The following CPLX2 variants were observed in gnomAD, a reference collection of about 807,000 sequenced individuals.
CPLX2 encodes complexin-2.
In CPLX2, 5 loss-of-function variants were observed where a neutral mutation model predicts 16.3. That is an observed-to-expected ratio of 0.31 (90% CI 0.16 to 0.64). The LOEUF is 0.64. CPLX2 is among the 30% of genes least tolerant of loss of function. The pLI, the probability that CPLX2 is intolerant of heterozygous loss-of-function variation, is 0.79. For missense variants in CPLX2, 144 were observed against 181.4 expected (o/e 0.79, Z 1.18); for synonymous variants, 89 against 73.2 (o/e 1.22, Z -1.10).
chr5:175,845,654 T>C lies in CPLX2; in HGVS notation c.-88-32998T>C, dbSNP rs1759029033. Among the ~76,000 whole-genome samples, 1 of 152,224 alleles carries C rather than the reference T, an allele frequency of 6.6e-6. No homozygotes were observed. Among genetic ancestry groups the C allele is most frequent in the Non-Finnish European group, 1.5e-5 (1 of 68,042 alleles). On this transcript the variant is annotated intron_variant, in intron 2 of 4. Transcript: ENST00000359546. The surrounding 1 kb of genome is among the most constrained non-coding windows in gnomAD (Gnocchi z 4.0). ...TGCTCCTACTGGACTGTGAGTCTCT[T>C]AAGGGCGGGGACTCATTGGTGCTGG... is the stretch of plus-strand genomic sequence containing the variant.
chr5:175,817,446 G>A (rs1025168131), intron 2 of CPLX2, among the ~76,000 whole-genome samples: 30 of 152,168 alleles, frequency 2.0e-4, no homozygotes, highest in African/African-American at 7.0e-4. Context: ...TGATGTCACT[G>A]TTTCTCCTTT....
In CPLX2 at chr5:175,828,433, G is replaced by C. The variant is rs139300099; in HGVS notation, c.-89+19365G>C. On this transcript the variant is annotated intron_variant, in intron 2 of 4. Coordinates refer to the CPLX2 transcript ENST00000359546. ...TAGAGAGTAGAAGTGATTGGGAATA[G>C]ATTTTTTAGCTCAATATGAAAGAGA... Among the ~76,000 whole-genome samples, 72 of 152,326 alleles carry C rather than the reference G, an allele frequency of 4.7e-4. 3 individuals carry two copies. In the East Asian group the frequency reaches 0.013, roughly 28 times the overall value.
chr5:175,852,313 T>C (rs1180351611), intron 2 of CPLX2, among the ~76,000 whole-genome samples: 1 of 152,204 alleles, frequency 6.6e-6, no homozygotes, highest in Admixed American at 6.5e-5. Flanking sequence ...ATTTTAACAA[T>C]GAGCAAACGG....
chr5:175,829,427 C>T (rs1204720299), intron 2 of CPLX2, among the ~76,000 whole-genome samples: 4 of 152,174 alleles, frequency 2.6e-5, no homozygotes, highest in Non-Finnish European at 5.9e-5. Flanking sequence ...CTTGCCAGGA[C>T]AGTCATCCAG....
At chr5:175,875,138 G>A (rs1314035488) in intron 1 of CPLX2, among the ~76,000 whole-genome samples, 1 of 152,184 alleles carries the variant, frequency 6.6e-6, no homozygotes, top group Non-Finnish European at 1.5e-5. Context: ...CAGAGAGGTA[G>A]GGCTTGACTG....
At position 175,826,409 on chromosome 5, in the gene CPLX2, C is replaced by T. The variant is rs112404580; in HGVS notation, c.-89+17341C>T. 6.4e-3 allele frequency among the ~76,000 whole-genome samples: 966 copies of T among 152,088 alleles called. 10 individuals carry two copies. The highest frequency in any genetic ancestry group is 0.022 in the African/African-American group (926 of 41,466). On this transcript the variant is annotated intron_variant, in intron 2 of 4. Coordinates refer to the CPLX2 transcript ENST00000359546. ...AAGGCCTTGAATGCTATTCCCAGTG[C>T]GAAAGGACTCCACGCTTTGGTCATG...
At position 175,822,767 on chromosome 5, in the gene CPLX2, G is replaced by A. The variant is rs1351610415; in HGVS notation, c.-89+13699G>A. ...ATTCCAGTGGTGTCAGCAAAGCTCT[G>A]TGATTGAACGTCAGTGGACTCAGCC... On this transcript the variant is annotated intron_variant, in intron 2 of 4. Transcript: ENST00000359546. 1.3e-5 allele frequency among the ~76,000 whole-genome samples: 2 copies of A among 152,222 alleles called. 1 individual carries two copies. The highest frequency in any genetic ancestry group is 1.3e-4 in the Admixed American group (2 of 15,290).
At chr5:175,863,686 T>C (rs959480731) in intron 2 of CPLX2, among the ~76,000 whole-genome samples, 3 of 152,190 alleles carry the variant, frequency 2.0e-5, no homozygotes, top group African/African-American at 7.2e-5. Context: ...TTATTTTGTT[T>C]TTTTGCCAGG....
At chr5:175,835,829 C>A (rs1438378345) in intron 2 of CPLX2, among the ~76,000 whole-genome samples, 11 of 147,214 alleles carry the variant, frequency 7.5e-5, no homozygotes, top group Non-Finnish European at 1.6e-4. Context: ...GCCTCCACAT[C>A]CCGGGTTCAA....
chr5:175,833,269 T>C (rs1026241448), intron 2 of CPLX2, among the ~76,000 whole-genome samples: 5 of 152,212 alleles, frequency 3.3e-5, no homozygotes, highest in African/African-American at 1.2e-4. Context: ...GGAGGCTTCA[T>C]AATCTACCTT....
At chr5:175,868,419 C>T (rs1307353984), upstream of CPLX2, among the ~76,000 whole-genome samples, 1 of 152,228 alleles carries the variant, frequency 6.6e-6, no homozygotes, top group Admixed American at 6.5e-5. Context: ...ATATACATAA[C>T]ATCTTACAAA....
In CPLX2 at chr5:175,881,523, G is replaced by C. The variant is rs1755604040; in HGVS notation, c.*1478G>C. On this transcript the variant is annotated 3_prime_UTR_variant, in exon 4 of 4. Transcript: ENST00000393745. ...GTTAGGTATGTGATGGGTTGTAGAA[G>C]CGTGTGTTTGAGAGAATTCAGAGAC... 1.3e-5 allele frequency: 2 copies of C among 153,080 alleles called. No homozygotes were observed. Among genetic ancestry groups the C allele is most frequent in the Admixed American group, 1.3e-4 (2 of 15,288 alleles). The allele number at this position is 153,080 out of a possible 1,614,324, so 9.5% of individuals were successfully genotyped here.
Position 175,879,099 on chromosome 5 carries a change from C to A in CPLX2, c.207+16C>A. On this transcript the variant is annotated intron_variant, in intron 3 of 3. Transcript: ENST00000393745. ...CCGAGATAAGGTCAGCTCCGCCCGC[C>A]CGCCCGTCCTGGGGAGGGCCACAAG... 1.3e-6 allele frequency: 2 copies of A among 1,553,918 alleles called. No homozygotes were observed. The highest frequency in any genetic ancestry group is 1.7e-6 in the Non-Finnish European group (2 of 1,148,694).
At chr5:175,839,730 G>C (rs1272080947) in intron 2 of CPLX2, among the ~76,000 whole-genome samples, 17 of 152,208 alleles carry the variant, frequency 1.1e-4, no homozygotes, top group Non-Finnish European at 2.9e-5. Flanking sequence ...ATTTTGCAGT[G>C]AGGCACAAAT....
At chr5:175,801,198 CTGTTGCTGTGTGGAGAG>C (rs1368478403) in intron 1 of CPLX2, among the ~76,000 whole-genome samples, 2 of 147,332 alleles carry the variant, frequency 1.4e-5, no homozygotes, top group Non-Finnish European at 3.0e-5. Context: ...AAAAATGCCT[CTGTTGCTGTGTGGAGAG>C]TGGATGATAT....
intron 2 of CPLX2, among the ~76,000 whole-genome samples, chr5:175,852,705 G>A (rs1251026322): frequency 6.6e-6 from 1 of 152,222 alleles, no homozygotes; most frequent in African/African-American, 2.4e-5. Flanking sequence ...CAGCAACCAT[G>A]CAGAAAAGTC....
chr5:175,850,205 G>A (rs1759125134), intron 2 of CPLX2, among the ~76,000 whole-genome samples: 1 of 151,876 alleles, frequency 6.6e-6, no homozygotes, highest in Non-Finnish European at 1.5e-5. Context: ...CTGTAACAAC[G>A]TCACATTCAG....
At chr5:175,808,825 G>T (rs1758260407) in intron 1 of CPLX2, among the ~76,000 whole-genome samples, 2 of 152,180 alleles carry the variant, frequency 1.3e-5, no homozygotes, top group South Asian at 4.1e-4. Flanking sequence ...GCCAGGCAGG[G>T]TCCCATCCCG....
At chr5:175,839,408 C>T (rs1409567672) in intron 2 of CPLX2, among the ~76,000 whole-genome samples, 1 of 152,118 alleles carries the variant, frequency 6.6e-6, no homozygotes, top group African/African-American at 2.4e-5. Context: ...GCCTCAGCCT[C>T]CCAAGTAGCT....
Sources: allele counts gnomAD v4.1 joint callset (sites outside exome capture counted in the v4.1 genomes callset), GRCh38; gene constraint gnomAD v4.1.1; non-coding constraint Gnocchi (gnomAD v3.1); transcripts MANE v1.5; gene names NCBI Gene and HGNC (gene_info 2026-07-23, HGNC 2026-07-21).